The following PHF24 variants were observed in gnomAD, a reference collection of about 807,000 sequenced individuals.
PHF24 encodes the protein PHD finger protein 24.
Under a neutral mutation model 42.6 loss-of-function variants are expected in PHF24, and 25 were observed. The observed-to-expected ratio is 0.59, with a 90% CI of 0.43 to 0.82. PHF24 has a LOEUF of 0.82. Ranked by LOEUF, PHF24 falls within the 40% of genes least tolerant of loss-of-function variation. The pLI, the probability that PHF24 is intolerant of heterozygous loss-of-function variation, is 0.00. For synonymous variants in PHF24, 185 were observed against 204.8 expected, an observed-to-expected ratio of 0.90 and a Z score of 0.83; for missense variants, 470 against 538.1, an observed-to-expected ratio of 0.87 and a Z score of 1.25.
intron 1 of PHF24, among the ~76,000 whole-genome samples, chr9:34,970,946 G>C (rs1264459314): frequency 1.3e-5 from 2 of 152,100 alleles, no homozygotes; most frequent in Non-Finnish European, 2.9e-5. Flanking sequence ...AAGTTGCAAG[G>C]CCTGTCAGAA....
chr9:34,916,021 T>A, the PHF24 span, among the ~76,000 whole-genome samples: 1 of 152,228 alleles, frequency 6.6e-6, no homozygotes, highest in Non-Finnish European at 1.5e-5. Flanking sequence ...TCGGCACTCA[T>A]TGTCTCTCCT....
At chr9:34,814,440 C>T in the PHF24 span, among the ~76,000 whole-genome samples, 1 of 152,176 alleles carries the variant, frequency 6.6e-6, no homozygotes, top group African/African-American at 2.4e-5. Flanking sequence ...TACTCATGAA[C>T]AAAGATCAGG....
the PHF24 span, among the ~76,000 whole-genome samples, chr9:34,842,659 G>A: frequency 6.6e-6 from 1 of 152,202 alleles, no homozygotes; most frequent in Non-Finnish European, 1.5e-5. Context: ...CACAGGACCT[G>A]CCAGCACCTC....
At chr9:34,738,390 G>A in the PHF24 span, among the ~76,000 whole-genome samples, 3 of 151,686 alleles carry the variant, frequency 2.0e-5, no homozygotes, top group Non-Finnish European at 1.5e-5. Flanking sequence ...TCGCTCTGTC[G>A]CCCAGGCTGG....
chr9:34,695,615 T>C, the PHF24 span, among the ~76,000 whole-genome samples: 1 of 152,134 alleles, frequency 6.6e-6, no homozygotes, highest in African/African-American at 2.4e-5. Flanking sequence ...CCTCAACTTG[T>C]GGGATCTGAT....
the PHF24 span, among the ~76,000 whole-genome samples, chr9:34,779,805 A>C: frequency 6.6e-6 from 1 of 152,132 alleles, no homozygotes; most frequent in African/African-American, 2.4e-5. Flanking sequence ...GGCTCACTGC[A>C]ACTTTTACCT....
At chr9:34,686,470 A>G in the PHF24 span, among the ~76,000 whole-genome samples, 1 of 152,098 alleles carries the variant, frequency 6.6e-6, no homozygotes, top group Non-Finnish European at 1.5e-5. Flanking sequence ...ATTTTTGTTA[A>G]TCATATGTGT....
At chr9:34,836,458 C>G in the PHF24 span, among the ~76,000 whole-genome samples, 3 of 152,178 alleles carry the variant, frequency 2.0e-5, no homozygotes, top group East Asian at 3.8e-4. Flanking sequence ...AACCCGAAGT[C>G]TAGTTTTCAG....
At chr9:34,711,458 C>G in the PHF24 span, among the ~76,000 whole-genome samples, 1 of 151,862 alleles carries the variant, frequency 6.6e-6, no homozygotes, top group Non-Finnish European at 1.5e-5. Context: ...GTCTCGAACG[C>G]CTGACCTCAA....
the PHF24 span, chr9:34,917,055 G>A: frequency 1.6e-6 from 1 of 644,596 alleles, no homozygotes; most frequent in Non-Finnish European, 2.8e-6. Context: ...AGAGTCAAGA[G>A]TGGGTGAAGA....
At chr9:34,810,837 GGA>G in the PHF24 span, among the ~76,000 whole-genome samples, 5 of 152,166 alleles carry the variant, frequency 3.3e-5, no homozygotes, top group Non-Finnish European at 5.9e-5. Flanking sequence ...GCATTTTAGT[GGA>G]GGTAGAAACT....
At chr9:34,724,835 G>A in the PHF24 span, 6,952 of 1,544,432 alleles carry the variant, frequency 4.5e-3, 354 homozygotes, top group East Asian at 0.13. Flanking sequence ...AGTGACTGCC[G>A]GGGCCAGGGC....
chr9:34,942,689 T>C, the PHF24 span, among the ~76,000 whole-genome samples: 15 of 152,202 alleles, frequency 9.9e-5, no homozygotes, highest in African/African-American at 3.4e-4. Context: ...GATGAGTTCA[T>C]GTCCTTTACA....
chr9:34,683,621 T>G, the PHF24 span, among the ~76,000 whole-genome samples: 38 of 152,350 alleles, frequency 2.5e-4, no homozygotes, highest in South Asian at 5.6e-3. Context: ...CCTCTGGACC[T>G]GGTAGTGTGT....
chr9:34,972,573 T>C (rs746016158), intron 3 of PHF24, 42 bp downstream of exon 3: 152 of 1,534,624 alleles, frequency 9.9e-5, no homozygotes, highest in Non-Finnish European at 1.2e-4. Flanking sequence ...TTGGCACTTT[T>C]CCTGGAGGCC....
At chr9:34,881,093 C>G in the PHF24 span, among the ~76,000 whole-genome samples, 3 of 152,188 alleles carry the variant, frequency 2.0e-5, no homozygotes, top group African/African-American at 7.2e-5. Flanking sequence ...ACTGAACAAC[C>G]TGCTCCTGAA....
At chr9:34,973,006 G>T (rs1264220899) in intron 3 of PHF24, among the ~76,000 whole-genome samples, 1 of 152,016 alleles carries the variant, frequency 6.6e-6, no homozygotes, top group Non-Finnish European at 1.5e-5. Flanking sequence ...TTTTAGGCTG[G>T]CTAGTTACTT....
the PHF24 span, among the ~76,000 whole-genome samples, chr9:34,828,428 A>G: frequency 6.6e-6 from 1 of 151,902 alleles, no homozygotes; most frequent in Non-Finnish European, 1.5e-5. Context: ...CGTGCTATGT[A>G]TCTCATATTT....
the PHF24 span, among the ~76,000 whole-genome samples, chr9:34,938,386 C>T: frequency 6.6e-6 from 1 of 152,212 alleles, no homozygotes; most frequent in Non-Finnish European, 1.5e-5. Context: ...GTCAAAAACT[C>T]CTCTTGCCTT....
Sources: allele counts gnomAD v4.1 joint callset (sites outside exome capture counted in the v4.1 genomes callset), GRCh38; gene constraint gnomAD v4.1.1; transcripts MANE v1.5; gene names NCBI Gene and HGNC (gene_info 2026-07-23, HGNC 2026-07-21).